FAM83G: variants seen among roughly 807,000 people sequenced by gnomAD.
FAM83G encodes protein FAM83G.
Under a neutral mutation model 61.5 loss-of-function variants are expected in FAM83G, and 38 were observed. The observed-to-expected ratio is 0.62, with a 90% CI of 0.48 to 0.81. FAM83G has a LOEUF of 0.81. FAM83G is among the 30% of genes least tolerant of loss of function. FAM83G has a pLI of 0.00. For missense variants in FAM83G, 989 were observed against 1,133.6 expected, an observed-to-expected ratio of 0.87 and a Z score of 1.83; for synonymous variants, 470 against 476.1, an observed-to-expected ratio of 0.99 and a Z score of 0.17.
chr17:18,987,390 C>T (rs1165377162), intron 3 of FAM83G, among the ~76,000 whole-genome samples: 10 of 152,226 alleles, frequency 6.6e-5, no homozygotes, highest in South Asian at 2.1e-4. Context: ...GCCTGGCGCA[C>T]GGCCAATGCA....
rs1399294910 is a variant in FAM83G at position 18,978,277 on chromosome 17, CT to C, written c.1388del (p.Lys463SerfsTer54). 1.2e-6 allele frequency: 2 copies of C among 1,609,958 alleles called. No homozygotes were observed. Among genetic ancestry groups the C allele is most frequent in the South Asian group, 2.2e-5 (2 of 90,798 alleles). ...SQASAQHQLW[K>X]QSQDSRPRPE... ...GACGGGGCCTGCTGTCCTGGCTCTGCTTCCACAGCTGGTGCTGGGCGCTGGC... is the reference window on the plus strand; with the variant it reads ...GACGGGGCCTGCTGTCCTGGCTCTGCTCCACAGCTGGTGCTGGGCGCTGGC... On this transcript the variant is annotated frameshift_variant, in exon 5 of 6. Coordinates refer to ENST00000388995, the MANE Select transcript of FAM83G (RefSeq NM_001039999.3). LOFTEE classifies it high-confidence loss of function.
At chr17:18,995,911 TAA>T (rs555014135) in intron 2 of FAM83G, among the ~76,000 whole-genome samples, 52 of 125,178 alleles carry the variant, frequency 4.2e-4, no homozygotes, top group Non-Finnish European at 3.4e-4. Context: ...CTGTCTCAAT[TAA>T]AAAAAAAAAA....
rs776041051 is a variant in FAM83G, at chr17:18,978,655, CG to C, written c.1010del (p.Ala337GlyfsTer40). On this transcript the variant is annotated frameshift_variant, in exon 5 of 6. Transcript: ENST00000388995. LOFTEE classifies it high-confidence loss of function. ...VLPSVVPLVP[A>X]GTVAKKLVNP... Reference sequence around the variant, plus strand: ...TGACGAGCTTCTTGGCCACAGTGCCCGCGGGCACCAGGGGGACCACAGAGGG... The same window carrying C: ...TGACGAGCTTCTTGGCCACAGTGCCCCGGGCACCAGGGGGACCACAGAGGG... 6.2e-7 allele frequency: 1 copy of C among 1,613,052 alleles called. No homozygotes were observed. Among genetic ancestry groups the C allele is most frequent in the East Asian group, 2.2e-5 (1 of 44,874 alleles).
chr17:18,998,199 G>A (rs1257211715), intron 2 of FAM83G, among the ~76,000 whole-genome samples: 3 of 152,274 alleles, frequency 2.0e-5, no homozygotes, highest in African/African-American at 7.2e-5. Context: ...CAGGGCACAG[G>A]GTGGGACCCC....
rs1393389027 is a variant in FAM83G at position 18,984,786 on chromosome 17, G to A, written c.690+3461C>T. Among the ~76,000 whole-genome samples, 11 of 152,356 alleles carry A rather than the reference G, an allele frequency of 7.2e-5. No homozygotes were observed. In the East Asian group the frequency reaches 2.1e-3, roughly 29 times the overall value. On this transcript the variant is annotated intron_variant, in intron 3 of 5. Coordinates refer to ENST00000388995, the MANE Select transcript of FAM83G (RefSeq NM_001039999.3). The stretch of plus-strand genomic sequence containing the variant: ...GCCAAGTCATGCGGCCTGGCCCTGT[G>A]ACCCTAGAGGGTGTCAGTGAAAGTT...
At chr17:18,973,088 G>A (rs532485631) in intron 5 of FAM83G, among the ~76,000 whole-genome samples, 19 of 152,350 alleles carry the variant, frequency 1.2e-4, no homozygotes, top group Middle Eastern at 6.8e-3. Context: ...CTCCTGGGAG[G>A]GCTGAGGGCC....
chr17:18,991,478 A>C (rs2043423326), intron 2 of FAM83G, among the ~76,000 whole-genome samples: 1 of 152,216 alleles, frequency 6.6e-6, no homozygotes. Context: ...GTCCTCTCAG[A>C]GGTCCTGGGC....
chr17:18,979,140 G>A (rs2043064450), intron 4 of FAM83G: 2 of 517,690 alleles, frequency 3.9e-6, no homozygotes, highest in South Asian at 2.3e-5. Context: ...CACTGTGGGG[G>A]GTTCTGCATG....
intron 2 of FAM83G, among the ~76,000 whole-genome samples, chr17:18,998,548 G>T (rs555934974): frequency 6.6e-6 from 1 of 152,348 alleles, no homozygotes; most frequent in East Asian, 1.9e-4. Flanking sequence ...CCTGGCTCTT[G>T]GGGTTGTGGG....
Position 18,981,305 on chromosome 17 carries a change from A to C in FAM83G, c.691-1632T>G, listed in dbSNP as rs184006542. ...GACCAGGCATGAGAGGCCTTTGTAC[A>C]AGAGCACCTCAGGGGAGGAGGGGTG... On this transcript the variant is annotated intron_variant, in intron 3 of 5. Transcript: ENST00000388995. Among the ~76,000 whole-genome samples, 232 of 152,172 alleles carry C rather than the reference A, an allele frequency of 1.5e-3. 1 individual carries two copies. The highest frequency in any genetic ancestry group is 4.1e-4 in the Non-Finnish European group (28 of 67,988).
chr17:18,982,913 T>A (rs1361911005), intron 3 of FAM83G, among the ~76,000 whole-genome samples: 1 of 152,210 alleles, frequency 6.6e-6, no homozygotes, highest in African/African-American at 2.4e-5. Context: ...GGTCTACTCA[T>A]CCTTGTGCTG....
At chr17:18,982,178 T>C (rs2043155046) in intron 3 of FAM83G, among the ~76,000 whole-genome samples, 1 of 152,166 alleles carries the variant, frequency 6.6e-6, no homozygotes, top group Non-Finnish European at 1.5e-5. Context: ...TCGAAGCAAG[T>C]CCCGGGCCCT....
chr17:18,974,110 C>T (rs1438269846), intron 5 of FAM83G, among the ~76,000 whole-genome samples: 1 of 152,140 alleles, frequency 6.6e-6, no homozygotes, highest in South Asian at 2.1e-4. Flanking sequence ...CAAGGCTGGT[C>T]TCGAACTCCT....
intron 5 of FAM83G, 132 bp downstream of exon 5, chr17:18,977,452 T>A (rs1392121905): frequency 7.6e-6 from 7 of 920,134 alleles, no homozygotes; most frequent in Non-Finnish European, 1.1e-5. Context: ...TCATCAAGTT[T>A]CCCCATCTGT....
In FAM83G at chr17:18,971,187, T is replaced by C. The variant is rs779470869; in HGVS notation, c.*172A>G. The C allele has an allele frequency of 3.1e-6, 5 of 1,614,012 alleles. No individual in the cohort carries two copies. The South Asian group carries it at 3.3e-5, about 11-fold the overall frequency. ...ACCGGGATGACCTTTGGCCTGACCA[T>C]CATGGCCACCTGGTACTGGTGCACC... On this transcript the variant is annotated 3_prime_UTR_variant, in exon 6 of 6. Transcript: ENST00000388995. This position sits in a 1 kb window ranked among gnomAD's most constrained non-coding sequence, Gnocchi z 5.5.
intron 2 of FAM83G, among the ~76,000 whole-genome samples, chr17:18,988,759 G>A (rs1415654180): frequency 2.6e-5 from 4 of 152,236 alleles, no homozygotes; most frequent in Non-Finnish European, 4.4e-5. Context: ...GTGGCGGCTC[G>A]CTGGGGCATC....
In FAM83G at chr17:18,988,381, C is replaced by T. The variant is rs760451513; in HGVS notation, c.556G>A (p.Val186Met). The T allele has an allele frequency of 1.6e-5, 26 of 1,614,072 alleles. No homozygotes were observed. Among genetic ancestry groups the T allele is most frequent in the African/African-American group, 4.0e-5 (3 of 74,954 alleles). The change falls in exon 3 of 6, where the codon GTG becomes ATG. Residue 186 changes from valine to methionine, a missense_variant. Around this residue, in one of 3 missense-constraint regions of FAM83G, gnomAD observed 371 missense variants for 404.5 expected, o/e 0.92. Transcript: ENST00000388995. ...IAVVMDMFTDVDIFKDLLDAG... is the reference protein window; with the variant it reads ...IAVVMDMFTDMDIFKDLLDAG... ...TCCAGCAGGTCCTTGAAGATGTCCA[C>T]GTCGGTGAACATGTCCATGACCACA... is the stretch of plus-strand genomic sequence containing the variant.
chr17:18,981,667 T>A (rs1415817385), intron 3 of FAM83G, among the ~76,000 whole-genome samples: 1 of 151,970 alleles, frequency 6.6e-6, no homozygotes, highest in Admixed American at 6.5e-5. Context: ...GGGCCGTGGG[T>A]GAGTCCCCAT....
In FAM83G at chr17:18,970,326, A is replaced by G. The variant is rs1256534642; in HGVS notation, c.*1033T>C. 1 of 153,136 alleles carries G rather than the reference A, an allele frequency of 6.5e-6. No individual in the cohort carries two copies. Among genetic ancestry groups the G allele is most frequent in the Non-Finnish European group, 1.5e-5 (1 of 68,750 alleles). The allele number at this position is 153,136 out of a possible 1,614,324, so 9.5% of individuals were successfully genotyped here. On this transcript the variant is annotated 3_prime_UTR_variant, in exon 6 of 6. Transcript: ENST00000388995. ...CCGCATGAGAGGGATCCCAGCAGCCAGGCCCAGTCTGGAAGGGAGGGGAGT... is the reference window on the plus strand; with the variant it reads ...CCGCATGAGAGGGATCCCAGCAGCCGGGCCCAGTCTGGAAGGGAGGGGAGT...
Sources: allele counts gnomAD v4.1 joint callset (sites outside exome capture counted in the v4.1 genomes callset), GRCh38; gene constraint gnomAD v4.1.1; regional missense constraint gnomAD v4.1.1; non-coding constraint Gnocchi (gnomAD v3.1); transcripts MANE v1.5; gene names NCBI Gene and HGNC (gene_info 2026-07-23, HGNC 2026-07-21).